The following NDUFS6 variants were observed in gnomAD, a reference collection of about 807,000 sequenced individuals.
NDUFS6 encodes the protein NADH dehydrogenase [ubiquinone] iron-sulfur protein 6, mitochondrial.
In NDUFS6, 14 loss-of-function variants were observed where a neutral mutation model predicts 13.2. That is an observed-to-expected ratio of 1.06 (90% CI 0.70 to 1.66). The LOEUF (loss-of-function observed/expected upper bound fraction) is 1.66, where lower values mean the gene tolerates loss of function less well. NDUFS6 is among the 40% of genes most tolerant of loss of function. The pLI, the probability that NDUFS6 is intolerant of heterozygous loss-of-function variation, is 0.00. For synonymous variants in NDUFS6, 95 were observed against 72.3 expected, an observed-to-expected ratio of 1.31 and a Z score of -1.60; for missense variants, 206 against 170.8, an observed-to-expected ratio of 1.21 and a Z score of -1.15.
intron 2 of NDUFS6, among the ~76,000 whole-genome samples, chr5:1,809,562 C>T (rs1469478104): frequency 3.3e-5 from 5 of 152,178 alleles, no homozygotes; most frequent in African/African-American, 9.6e-5. Flanking sequence ...CCTTGAGCTG[C>T]GCACACTAAA....
rs755281273 is a variant in NDUFS6 at position 1,814,571 on chromosome 5, C to T, written c.309+110C>T. ...TCCTCTTCTCTACCTGCTCCCGAGG[C>T]GGCCCTTACGGGGTTCACACTGCTG... On this transcript the variant is annotated intron_variant, in intron 3 of 3. Coordinates refer to ENST00000274137, the MANE Select transcript of NDUFS6 (RefSeq NM_004553.6). The surrounding 1 kb of genome is among the most constrained non-coding windows in gnomAD (Gnocchi z 4.9). 21 of 1,527,468 alleles carry T rather than the reference C, an allele frequency of 1.4e-5. 1 individual carries two copies. The highest frequency in any genetic ancestry group is 4.6e-5 in the South Asian group (4 of 86,084). 94.6% of individuals were successfully genotyped at this position (1,527,468 alleles called of 1,614,324 possible). A position where few individuals can be genotyped will look rare whatever the true frequency, so the allele number is the denominator to read the frequency against.
chr5:1,801,456 G>C lies in NDUFS6; in HGVS notation c.39G>C (p.Arg13=), dbSNP rs777509682. Residue 13 remains arginine (R), a synonymous_variant, in exon 1 of 4, where the codon CGG becomes CGC. Coordinates refer to ENST00000274137, the MANE Select transcript of NDUFS6 (RefSeq NM_004553.6). ...TGACCTTCTGCCGGCTGCTGAACCG[G>C]TGTGGCGAGGCGGCGCGGAGCCTGC... ...AAMTFCRLLN[R]CGEAARSLPL... The C allele has an allele frequency of 6.2e-7, 1 of 1,604,948 alleles. No individual in the cohort carries two copies. Among genetic ancestry groups the C allele is most frequent in the Non-Finnish European group, 8.5e-7 (1 of 1,178,802 alleles).
chr5:1,813,960 G>A (rs924672783), intron 2 of NDUFS6, among the ~76,000 whole-genome samples: 2 of 152,238 alleles, frequency 1.3e-5, no homozygotes, highest in Admixed American at 6.5e-5. Context: ...CTTATGAAAC[G>A]CACATGGGAG....
At chr5:1,813,008 C>T (rs1734243480) in intron 2 of NDUFS6, among the ~76,000 whole-genome samples, 2 of 151,968 alleles carry the variant, frequency 1.3e-5, no homozygotes, top group Admixed American at 1.3e-4. Flanking sequence ...GCCAAAATCG[C>T]GCCACTGCAT....
At chr5:1,802,261 T>G in intron 1 of NDUFS6, 60 bp from the exon 2 acceptor site, 2 of 1,435,612 alleles carry the variant, frequency 1.4e-6, no homozygotes, top group Admixed American at 3.4e-5. Flanking sequence ...ATGATTGATA[T>G]GAAGTGACTT....
At chr5:1,804,892 A>G (rs1404748851) in intron 2 of NDUFS6, among the ~76,000 whole-genome samples, 1 of 152,202 alleles carries the variant, frequency 6.6e-6, no homozygotes, top group Non-Finnish European at 1.5e-5. Context: ...ATAGATGTGT[A>G]ATGACATGTA....
chr5:1,804,216 C>T (rs1232206933), intron 2 of NDUFS6, among the ~76,000 whole-genome samples: 1 of 152,226 alleles, frequency 6.6e-6, no homozygotes, highest in Non-Finnish European at 1.5e-5. Flanking sequence ...TGGGCTCATT[C>T]ATGCAATCTG....
At chr5:1,810,409 G>A (rs557532153) in intron 2 of NDUFS6, among the ~76,000 whole-genome samples, 37 of 152,226 alleles carry the variant, frequency 2.4e-4, no homozygotes, top group African/African-American at 8.4e-4. Flanking sequence ...ATAGCTTCCC[G>A]GTTCTTCGTG....
Position 1,814,334 on chromosome 5 carries a change from T to A in NDUFS6, c.187-5T>A. On this transcript the variant is annotated splice_polypyrimidine_tract_variant and splice_region_variant and intron_variant, in intron 2 of 3. Coordinates refer to ENST00000274137, the MANE Select transcript of NDUFS6 (RefSeq NM_004553.6). The surrounding 1 kb of genome is among the most constrained non-coding windows in gnomAD (Gnocchi z 4.9). ...TGTTTACGTAAGTCTTTCTTCTTGT[T>A]CCAGGTGAATGAAAACTTTGCCATT... The A allele has an allele frequency of 6.2e-7, 1 of 1,614,214 alleles. No homozygotes were observed. The highest frequency in any genetic ancestry group is 1.1e-5 in the South Asian group (1 of 91,086).
chr5:1,801,621 C>T (rs1376940821), intron 1 of NDUFS6, 72 bp downstream of exon 1: 2 of 1,510,486 alleles, frequency 1.3e-6, no homozygotes, highest in Admixed American at 2.0e-5. Flanking sequence ...GTGGGCTCGC[C>T]GGGCATCCGC....
At chr5:1,801,648 C>T (rs2111344962) in intron 1 of NDUFS6, 99 bp downstream of exon 1, 2 of 1,478,202 alleles carry the variant, frequency 1.4e-6, no homozygotes, top group South Asian at 1.3e-5. Flanking sequence ...GGTTCTGCGC[C>T]GGCAGCGCAG....
At chr5:1,809,701 CGTT>C (rs1375549952) in intron 2 of NDUFS6, among the ~76,000 whole-genome samples, 1 of 152,224 alleles carries the variant, frequency 6.6e-6, no homozygotes, top group Non-Finnish European at 1.5e-5. Context: ...CTTTGTGACA[CGTT>C]GTCACTTAGG....
chr5:1,802,257 G>T (rs1734057815), intron 1 of NDUFS6, 64 bp from the exon 2 acceptor site: 2 of 1,406,004 alleles, frequency 1.4e-6, no homozygotes, highest in Non-Finnish European at 2.0e-6. Context: ...ATTTATGATT[G>T]ATATGAAGTG....
chr5:1,815,627 C>T (rs1734296334), intron 3 of NDUFS6, among the ~76,000 whole-genome samples: 2 of 152,124 alleles, frequency 1.3e-5, no homozygotes, highest in African/African-American at 4.8e-5. Context: ...CAGTGATGTC[C>T]CTGGGGGTCC....
At chr5:1,812,308 C>G (rs1734230218) in intron 2 of NDUFS6, among the ~76,000 whole-genome samples, 1 of 151,984 alleles carries the variant, frequency 6.6e-6, no homozygotes, top group African/African-American at 2.4e-5. Context: ...CGCCCTGTCT[C>G]TCAACACTGT....
intron 2 of NDUFS6, among the ~76,000 whole-genome samples, chr5:1,807,690 G>A (rs553902186): frequency 1.6e-4 from 24 of 152,220 alleles, no homozygotes; most frequent in Admixed American, 3.9e-4. Flanking sequence ...GCACTCCTCG[G>A]ATCAGCAGTG....
intron 2 of NDUFS6, among the ~76,000 whole-genome samples, chr5:1,812,761 G>A (rs1734238130): frequency 6.6e-6 from 1 of 151,716 alleles, no homozygotes; most frequent in African/African-American, 2.4e-5. Context: ...AGCTAGAAAG[G>A]GTGTGTGTAG....
At chr5:1,811,088 A>T (rs1289619059) in intron 2 of NDUFS6, among the ~76,000 whole-genome samples, 1 of 152,126 alleles carries the variant, frequency 6.6e-6, no homozygotes, top group Admixed American at 6.6e-5. Context: ...CTTCCTTGTG[A>T]TTTCCTTCAT....
chr5:1,810,995 C>T (rs2111357444), intron 2 of NDUFS6, among the ~76,000 whole-genome samples: 1 of 152,326 alleles, frequency 6.6e-6, no homozygotes, highest in South Asian at 2.1e-4. Flanking sequence ...TCCTCCTCCT[C>T]AGCCTGCTCT....
Sources: allele counts gnomAD v4.1 joint callset (sites outside exome capture counted in the v4.1 genomes callset), GRCh38; gene constraint gnomAD v4.1.1; non-coding constraint Gnocchi (gnomAD v3.1); transcripts MANE v1.5; gene names NCBI Gene and HGNC (gene_info 2026-07-23, HGNC 2026-07-21).